PTPRD: variants seen among roughly 807,000 people sequenced by gnomAD.
The protein encoded by PTPRD is protein tyrosine phosphatase receptor type D.
Under a neutral mutation model 214.5 loss-of-function variants are expected in PTPRD, and 34 were observed. That is an observed-to-expected ratio of 0.16 (90% CI 0.12 to 0.21). The LOEUF (loss-of-function observed/expected upper bound fraction) is 0.21. Ranked by LOEUF, PTPRD falls within the 10% of genes least tolerant of loss-of-function variation. The probability of loss-of-function intolerance (pLI) is 1.00; values close to 1 mark genes in which losing one functional copy is unlikely to be tolerated. For missense variants in PTPRD, 2,545 were observed against 2,398.7 expected, an observed-to-expected ratio of 1.06 and a Z score of -1.27; for synonymous variants, 1,128 against 845.7, an observed-to-expected ratio of 1.33 and a Z score of -5.79.
At chr9:10,129,641 C>A (rs1210079917) in intron 3 of PTPRD, among the ~76,000 whole-genome samples, 1 of 151,802 alleles carries the variant, frequency 6.6e-6, no homozygotes, top group Non-Finnish European at 1.5e-5. Flanking sequence ...GCTCCAAATT[C>A]ATTCCAGATA....
At chr9:9,431,123 AG>A (rs1161656839) in intron 8 of PTPRD, among the ~76,000 whole-genome samples, 1 of 152,242 alleles carries the variant, frequency 6.6e-6, no homozygotes, top group Non-Finnish European at 1.5e-5. Context: ...GGCAACCTAC[AG>A]AATGGGAGAA....
At chr9:8,446,385 T>A (rs962837814) in intron 34 of PTPRD, among the ~76,000 whole-genome samples, 2 of 152,176 alleles carry the variant, frequency 1.3e-5, no homozygotes, top group African/African-American at 4.8e-5. Flanking sequence ...TTTGAGAAAG[T>A]AGAATTTATA....
At chr9:8,596,701 T>C (rs2094494766) in intron 14 of PTPRD, among the ~76,000 whole-genome samples, 1 of 152,122 alleles carries the variant, frequency 6.6e-6, no homozygotes, top group African/African-American at 2.4e-5. Context: ...TTTAGACACA[T>C]AAACTACATT....
chr9:8,463,191 TTC>T lies in PTPRD; in HGVS notation c.3714+2273_3714+2274del, dbSNP rs944009848. Among the ~76,000 whole-genome samples the T allele has an allele frequency of 6.5e-3, 992 of 151,666 alleles. 10 individuals are homozygous for T. The highest frequency in any genetic ancestry group is 0.023 in the African/African-American group (933 of 41,386). On this transcript the variant is annotated intron_variant, in intron 32 of 45. Coordinates refer to ENST00000381196, the MANE Select transcript of PTPRD (RefSeq NM_002839.4). ...TCCACTGAATGCTTGTATACTACTCTTCTCTCTCATTTTCGTCATTGTGCCCA... is the reference window on the plus strand; with the variant it reads ...TCCACTGAATGCTTGTATACTACTCTTCTCTCATTTTCGTCATTGTGCCCA...
chr9:8,458,183 G>A (rs1471787235), intron 33 of PTPRD, among the ~76,000 whole-genome samples: 1 of 152,092 alleles, frequency 6.6e-6, no homozygotes, highest in Non-Finnish European at 1.5e-5. Flanking sequence ...TTTTAACAGA[G>A]TCATAAAACC....
intron 11 of PTPRD, among the ~76,000 whole-genome samples, chr9:8,772,182 CT>C (rs1046000629): frequency 6.6e-6 from 1 of 151,932 alleles, no homozygotes; most frequent in African/African-American, 2.4e-5. Flanking sequence ...GGCCAGAACT[CT>C]TTTAAATTCT....
At chr9:8,830,841 G>A (rs1247925542) in intron 11 of PTPRD, among the ~76,000 whole-genome samples, 2 of 152,182 alleles carry the variant, frequency 1.3e-5, no homozygotes, top group East Asian at 1.9e-4. Flanking sequence ...AACCCTACTA[G>A]AGTGTAAACT....
chr9:8,444,585 A>G (rs994084299), intron 34 of PTPRD, among the ~76,000 whole-genome samples: 1 of 152,136 alleles, frequency 6.6e-6, no homozygotes, highest in Non-Finnish European at 1.5e-5. Context: ...TTTCTTCTCT[A>G]AAAGTGCTTT....
chr9:9,706,852 G>T (rs751760501), intron 7 of PTPRD, among the ~76,000 whole-genome samples: 1 of 152,116 alleles, frequency 6.6e-6, no homozygotes, highest in Non-Finnish European at 1.5e-5. Flanking sequence ...GGCGAGGTAG[G>T]TAGTGCTGCT....
intron 14 of PTPRD, among the ~76,000 whole-genome samples, chr9:8,613,874 GA>G (rs1487932501): frequency 6.6e-6 from 1 of 151,894 alleles, no homozygotes; most frequent in African/African-American, 2.4e-5. Context: ...TTTTCTGCAA[GA>G]ACTTTCCTAA....
intron 31 of PTPRD, among the ~76,000 whole-genome samples, chr9:8,466,319 T>C (rs1024021566): frequency 6.6e-6 from 1 of 151,958 alleles, no homozygotes; most frequent in African/African-American, 2.4e-5. Flanking sequence ...AGTCAACTTT[T>C]TCTAGAATTG....
intron 5 of PTPRD, among the ~76,000 whole-genome samples, chr9:9,914,329 C>A (rs2080061260): frequency 6.6e-6 from 1 of 152,160 alleles, no homozygotes; most frequent in African/African-American, 2.4e-5. Flanking sequence ...CCAAAGGCTT[C>A]CCCTAGTGGG....
chr9:9,356,540 G>A (rs935565885), intron 9 of PTPRD, among the ~76,000 whole-genome samples: 3 of 151,396 alleles, frequency 2.0e-5, no homozygotes, highest in South Asian at 4.2e-4. Flanking sequence ...ACTAAATAAG[G>A]CCAGCTTTTA....
At position 9,594,728 on chromosome 9, in the gene PTPRD, C is replaced by T. The variant is rs184772340; in HGVS notation, c.-286-19947G>A. ...GATGCCTCTAGATTTATTCTTTTTG[C>T]TTAGTCTAGCTTTGGCTATGTCGGC... On this transcript the variant is annotated intron_variant, in intron 7 of 45. Transcript: ENST00000381196. 3.0e-4 allele frequency among the ~76,000 whole-genome samples: 46 copies of T among 152,058 alleles called. 1 individual carries two copies. In the East Asian group the frequency reaches 5.4e-3, roughly 18 times the overall value.
intron 2 of PTPRD, among the ~76,000 whole-genome samples, chr9:10,596,887 G>C (rs1378141749): frequency 6.6e-6 from 1 of 151,416 alleles, no homozygotes; most frequent in African/African-American, 2.4e-5. Flanking sequence ...CATGAGACAT[G>C]ACTGGTAGTA....
chr9:9,745,370 T>G (rs796346725), intron 6 of PTPRD, among the ~76,000 whole-genome samples: 6 of 152,218 alleles, frequency 3.9e-5, no homozygotes, highest in African/African-American at 1.4e-4. Context: ...AGAAGTGAAA[T>G]GAAGGCTTCG....
intron 2 of PTPRD, among the ~76,000 whole-genome samples, chr9:10,555,014 G>A (rs1264384758): frequency 6.6e-6 from 1 of 152,176 alleles, no homozygotes; most frequent in East Asian, 1.9e-4. Context: ...TGTTAGAGTA[G>A]TGATTAAATT....
chr9:10,420,584 G>T (rs925213652), intron 2 of PTPRD, among the ~76,000 whole-genome samples: 1 of 151,730 alleles, frequency 6.6e-6, no homozygotes, highest in African/African-American at 2.4e-5. Context: ...TAAAGGGCCA[G>T]GAGTAAATTA....
chr9:10,510,495 T>C (rs1175356834), intron 2 of PTPRD, among the ~76,000 whole-genome samples: 1 of 152,192 alleles, frequency 6.6e-6, no homozygotes, highest in Non-Finnish European at 1.5e-5. Flanking sequence ...AAGCATCATA[T>C]AAATAGGGAT....
Sources: allele counts gnomAD v4.1 joint callset (sites outside exome capture counted in the v4.1 genomes callset), GRCh38; gene constraint gnomAD v4.1.1; transcripts MANE v1.5; gene names NCBI Gene and HGNC (gene_info 2026-07-23, HGNC 2026-07-21).